TENM2: variants seen among roughly 807,000 people sequenced by gnomAD.
TENM2 encodes teneurin-2.
In TENM2, 52 loss-of-function variants were observed where a neutral mutation model predicts 245.2. The ratio of observed to expected loss-of-function variants is 0.21; its 90% confidence interval spans 0.17 to 0.27. The LOEUF (loss-of-function observed/expected upper bound fraction) is 0.27, where lower values mean the gene tolerates loss of function less well. Among genes scored for constraint, TENM2 ranks in the 10% least tolerant of loss-of-function variants. The probability of loss-of-function intolerance (pLI) is 1.00; values close to 1 mark genes in which losing one functional copy is unlikely to be tolerated. For missense variants in TENM2, 3,046 were observed against 3,666.8 expected (o/e 0.83, Z 4.37); for synonymous variants, 1,363 against 1,438.9 (o/e 0.95, Z 1.19).
At chr5:167,500,463 T>A (rs941314252) in intron 2 of TENM2, among the ~76,000 whole-genome samples, 1 of 152,138 alleles carries the variant, frequency 6.6e-6, no homozygotes, top group African/African-American at 2.4e-5. Context: ...CAATAAATTT[T>A]CTCCATTATA....
chr5:167,384,237 TA>T (rs1761276393), intron 2 of TENM2, among the ~76,000 whole-genome samples: 1 of 152,098 alleles, frequency 6.6e-6, no homozygotes, highest in Non-Finnish European at 1.5e-5. Flanking sequence ...CTAACCTCAA[TA>T]GGGAGAGAAG....
At chr5:167,107,324 A>AAAAG in the TENM2 span, among the ~76,000 whole-genome samples, 1 of 151,938 alleles carries the variant, frequency 6.6e-6, no homozygotes, top group Admixed American at 6.5e-5. Flanking sequence ...GAAAGAAAGA[A>AAAAG]AAAGAAAGAA....
At chr5:167,221,695 T>C in the TENM2 span, among the ~76,000 whole-genome samples, 1 of 152,176 alleles carries the variant, frequency 6.6e-6, no homozygotes, top group African/African-American at 2.4e-5. Context: ...AACACTAACT[T>C]TGCACCTGAA....
chr5:167,985,604 G>A (rs1007307409), intron 4 of TENM2, among the ~76,000 whole-genome samples: 1 of 152,126 alleles, frequency 6.6e-6, no homozygotes, highest in Non-Finnish European at 1.5e-5. Context: ...GAGAGAGAGA[G>A]GAAGAGAGAA....
chr5:167,232,773 C>G, the TENM2 span, among the ~76,000 whole-genome samples: 1 of 152,164 alleles, frequency 6.6e-6, no homozygotes, highest in Non-Finnish European at 1.5e-5. Context: ...TAAAATCTAC[C>G]AAACATGTGC....
intron 12 of TENM2, among the ~76,000 whole-genome samples, chr5:168,152,418 T>C (rs1448508616): frequency 6.6e-6 from 1 of 152,176 alleles, no homozygotes; most frequent in African/African-American, 2.4e-5. Context: ...TTTACACTAG[T>C]TAAAAGAGAG....
At chr5:167,693,633 CAAAA>C (rs35853452) in intron 2 of TENM2, among the ~76,000 whole-genome samples, 1 of 90,724 alleles carries the variant, frequency 1.1e-5, no homozygotes, top group Non-Finnish European at 2.6e-5. Flanking sequence ...AATTTCTAGG[CAAAA>C]AAAAAAAAAA....
chr5:167,201,404 T>A, the TENM2 span, among the ~76,000 whole-genome samples: 42 of 152,322 alleles, frequency 2.8e-4, 1 homozygote, highest in Admixed American at 2.4e-3. Flanking sequence ...TGAAAATGAA[T>A]GGTAATAACC....
intron 3 of TENM2, among the ~76,000 whole-genome samples, chr5:167,929,065 GAAAGAAAGAA>G (rs1561945539): frequency 4.1e-4 from 2 of 4,928 alleles, no homozygotes; most frequent in African/African-American, 4.5e-3. Context: ...AAGAGAGAAA[GAAAGAAAGAA>G]AGAAAGAAAG....
chr5:168,057,262 A>G (rs1295603384), intron 6 of TENM2, among the ~76,000 whole-genome samples: 1 of 151,824 alleles, frequency 6.6e-6, no homozygotes, highest in Non-Finnish European at 1.5e-5. Flanking sequence ...AAGCTTTCTA[A>G]TAACTCCTCC....
At chr5:167,316,117 T>C (rs1414042084) in intron 1 of TENM2, among the ~76,000 whole-genome samples, 1 of 152,214 alleles carries the variant, frequency 6.6e-6, no homozygotes, top group African/African-American at 2.4e-5. Flanking sequence ...TCATGCCTCA[T>C]GCTTCTTGAT....
At chr5:167,050,160 C>T in the TENM2 span, among the ~76,000 whole-genome samples, 1 of 152,150 alleles carries the variant, frequency 6.6e-6, no homozygotes, top group Non-Finnish European at 1.5e-5. Flanking sequence ...GGGCTGCGGA[C>T]TGGTGTTGGT....
chr5:167,534,156 A>T (rs1771697368), intron 2 of TENM2, among the ~76,000 whole-genome samples: 1 of 152,212 alleles, frequency 6.6e-6, no homozygotes, highest in African/African-American at 2.4e-5. Flanking sequence ...GTTACTTACC[A>T]AGTGTCAAAT....
chr5:167,279,512 CCTTTCCTT>C, the TENM2 span, among the ~76,000 whole-genome samples: 8 of 118,120 alleles, frequency 6.8e-5, no homozygotes, highest in African/African-American at 2.4e-4. Flanking sequence ...TTCCTTCCTT[CCTTTCCTT>C]CCTTCCTTCC....
intron 2 of TENM2, among the ~76,000 whole-genome samples, chr5:167,610,566 A>C (rs947847970): frequency 1.3e-5 from 2 of 152,178 alleles, no homozygotes; most frequent in Admixed American, 6.5e-5. Flanking sequence ...GGAACCAAGA[A>C]CAGAAAGCAA....
Position 168,089,467 on chromosome 5 carries a change from C to T in TENM2, c.1516-1107C>T, listed in dbSNP as rs555611141. Among the ~76,000 whole-genome samples the T allele has an allele frequency of 7.2e-5, 11 of 152,310 alleles. No homozygotes were observed. The East Asian group carries it at 2.1e-3, about 29-fold the overall frequency. On this transcript the variant is annotated intron_variant, in intron 7 of 28. Coordinates refer to ENST00000518659, the Ensembl canonical transcript of TENM2. ...TTCATCTATTATTTAGAACAGGCCTCTCTTGGGTCCCGTTTGACCTCCCCA... is the reference window on the plus strand; with the variant it reads ...TTCATCTATTATTTAGAACAGGCCTTTCTTGGGTCCCGTTTGACCTCCCCA...
chr5:167,820,045 G>A (rs189907668), intron 2 of TENM2, among the ~76,000 whole-genome samples: 63 of 152,200 alleles, frequency 4.1e-4, no homozygotes, highest in East Asian at 1.4e-3. Flanking sequence ...GGGAGGTCAC[G>A]TGAAGGGCAT....
the TENM2 span, among the ~76,000 whole-genome samples, chr5:167,246,596 A>G: frequency 2.6e-5 from 4 of 152,172 alleles, no homozygotes; most frequent in Non-Finnish European, 5.9e-5. Flanking sequence ...TGTGATGACA[A>G]CATTGACTTG....
intron 2 of TENM2, among the ~76,000 whole-genome samples, chr5:167,435,978 T>TC (rs1475575356): frequency 1.4e-5 from 2 of 140,906 alleles, no homozygotes; most frequent in Non-Finnish European, 3.1e-5. Context: ...TTTTTTTCTT[T>TC]TTTTTTTTTT....
Sources: gnomAD v4.1 joint callset for allele counts (sites outside exome capture counted in the v4.1 genomes callset) on GRCh38, gnomAD v4.1.1 for gene constraint, MANE v1.5 for transcripts, NCBI Gene and HGNC (gene_info 2026-07-23, HGNC 2026-07-21) for gene names.